CDH4: variants seen among roughly 807,000 people sequenced by gnomAD.
CDH4 encodes cadherin-4.
In CDH4, 33 loss-of-function variants were observed where a neutral mutation model predicts 86.0. That is an observed-to-expected ratio of 0.38 (90% confidence interval 0.29 to 0.51). The LOEUF is 0.51. CDH4 is among the 20% of genes least tolerant of loss of function. The pLI is 0.86. For missense variants in CDH4, 1,114 were observed against 1,307.4 expected (o/e 0.85, Z 2.28); for synonymous variants, 555 against 549.4 (o/e 1.01, Z -0.14).
At chr20:61,337,860 T>A (rs888100830) in intron 2 of CDH4, among the ~76,000 whole-genome samples, 54 of 152,226 alleles carry the variant, frequency 3.5e-4, no homozygotes, top group African/African-American at 1.3e-3. Context: ...GGAGCTTCCT[T>A]CTTTCCTCTG....
rs115607920 is a variant in CDH4 at position 61,687,842 on chromosome 20, A to G, written c.170-55721A>G. On this transcript the variant is annotated intron_variant, in intron 2 of 15. Transcript: ENST00000614565. ...CTAGGGCATAGAAAATATTTCCACT[A>G]AAAGGACTTAGCCTACCTTAGACCA... 9.3e-3 allele frequency among the ~76,000 whole-genome samples: 1,411 copies of G among 152,274 alleles called. 24 individuals are homozygous for G. Among genetic ancestry groups the G allele is most frequent in the African/African-American group, 0.028 (1,173 of 41,562 alleles).
At chr20:61,447,478 C>T (rs2085357946) in intron 2 of CDH4, among the ~76,000 whole-genome samples, 1 of 152,088 alleles carries the variant, frequency 6.6e-6, no homozygotes, top group African/African-American at 2.4e-5. Context: ...CCGACCTATT[C>T]ATGGTGTTTT....
chr20:61,264,680 T>C (rs1295498954), intron 2 of CDH4, among the ~76,000 whole-genome samples: 7 of 134,456 alleles, frequency 5.2e-5, no homozygotes, highest in East Asian at 2.7e-4. Context: ...TCATTCAATC[T>C]TACACATATC....
At chr20:61,477,552 GGAA>G (rs1341953746) in intron 2 of CDH4, among the ~76,000 whole-genome samples, 1 of 152,206 alleles carries the variant, frequency 6.6e-6, no homozygotes, top group East Asian at 1.9e-4. Context: ...TGCGGAGCGT[GGAA>G]GAAGGTCCAC....
At position 61,741,995 on chromosome 20, in the gene CDH4, A is replaced by G. The variant is rs563997075; in HGVS notation, c.170-1568A>G. On this transcript the variant is annotated intron_variant, in intron 2 of 15. Transcript: ENST00000614565. Reference sequence around the variant, plus strand: ...GTGCTCATCTCTCAGCAATCACAGCACTGTCATTTTTATCTTTGTCAGTGA... The same window carrying G: ...GTGCTCATCTCTCAGCAATCACAGCGCTGTCATTTTTATCTTTGTCAGTGA... 2.0e-5 allele frequency among the ~76,000 whole-genome samples: 3 copies of G among 152,288 alleles called. No individual in the cohort carries two copies. The South Asian group carries it at 6.2e-4, about 32-fold the overall frequency.
chr20:61,636,377 A>G (rs1444828352), intron 2 of CDH4, among the ~76,000 whole-genome samples: 1 of 152,222 alleles, frequency 6.6e-6, no homozygotes, highest in Non-Finnish European at 1.5e-5. Flanking sequence ...AAAGAGAGAA[A>G]AGAAGTTTCT....
At chr20:61,387,380 A>G (rs2084957434) in intron 2 of CDH4, among the ~76,000 whole-genome samples, 3 of 152,066 alleles carry the variant, frequency 2.0e-5, no homozygotes, top group African/African-American at 2.4e-5. Flanking sequence ...ACAGCCACAC[A>G]AACATACACA....
At position 61,517,124 on chromosome 20, in the gene CDH4, C is replaced by T. The variant is rs2085827743; in HGVS notation, c.170-226439C>T. On this transcript the variant is annotated intron_variant, in intron 2 of 15. Transcript: ENST00000614565. This position sits in a 1 kb window ranked among gnomAD's most constrained non-coding sequence, Gnocchi z 6.6. ...CCCCTTGTGGCCACGATCCCTTCAC[C>T]AAAGGGTAACCAGATTCCTGTATTC... Among the ~76,000 whole-genome samples the T allele has an allele frequency of 1.3e-5, 2 of 152,234 alleles. 1 individual carries two copies. The highest frequency in any genetic ancestry group is 4.1e-4 in the South Asian group (2 of 4,832).
At chr20:61,482,662 C>G (rs2085574507) in intron 2 of CDH4, among the ~76,000 whole-genome samples, 1 of 152,164 alleles carries the variant, frequency 6.6e-6, no homozygotes, top group Non-Finnish European at 1.5e-5. Context: ...CTGACTCGCC[C>G]CATGTGGTTG....
chr20:61,730,599 C>G (rs1162904090), intron 2 of CDH4, among the ~76,000 whole-genome samples: 1 of 152,186 alleles, frequency 6.6e-6, no homozygotes, highest in Non-Finnish European at 1.5e-5. Context: ...TGCCAGAGAC[C>G]CCGGTGAGGA....
chr20:61,640,795 T>A (rs1600831263), intron 2 of CDH4, among the ~76,000 whole-genome samples: 1 of 152,206 alleles, frequency 6.6e-6, no homozygotes, highest in Non-Finnish European at 1.5e-5. Flanking sequence ...CATGAGACAC[T>A]GATTAATGTT....
At chr20:61,459,054 C>T (rs2085426897) in intron 2 of CDH4, among the ~76,000 whole-genome samples, 1 of 152,090 alleles carries the variant, frequency 6.6e-6, no homozygotes, top group Non-Finnish European at 1.5e-5. Flanking sequence ...CCACACCTCC[C>T]CCTGGCTGTC....
At chr20:61,363,410 ATCTCTCTC>A (rs144743532) in intron 2 of CDH4, among the ~76,000 whole-genome samples, 1 of 150,404 alleles carries the variant, frequency 6.6e-6, no homozygotes, top group African/African-American at 2.4e-5. Context: ...GAATCTAAAT[ATCTCTCTC>A]TCTCTCTCTC....
chr20:61,762,413 T>C (rs1356826201), intron 3 of CDH4, among the ~76,000 whole-genome samples: 1 of 152,242 alleles, frequency 6.6e-6, no homozygotes, highest in African/African-American at 2.4e-5. Flanking sequence ...TTCACCCACA[T>C]TTCCACTTCT....
chr20:61,541,801 A>G (rs2086041516), intron 2 of CDH4, among the ~76,000 whole-genome samples: 2 of 152,114 alleles, frequency 1.3e-5, no homozygotes, highest in Non-Finnish European at 2.9e-5. Flanking sequence ...CTCTCCAGCC[A>G]GTGAGTGTGC....
At chr20:61,301,952 C>T (rs1034010928) in intron 2 of CDH4, among the ~76,000 whole-genome samples, 5 of 152,224 alleles carry the variant, frequency 3.3e-5, no homozygotes, top group African/African-American at 7.2e-5. Context: ...TGCGCTTTTA[C>T]GCCATACTTC....
At chr20:61,440,738 G>A (rs1462295638) in intron 2 of CDH4, among the ~76,000 whole-genome samples, 1 of 152,210 alleles carries the variant, frequency 6.6e-6, no homozygotes, top group Non-Finnish European at 1.5e-5. Flanking sequence ...CGTGGCGGGC[G>A]CCATGGAGGA....
intron 2 of CDH4, among the ~76,000 whole-genome samples, chr20:61,678,255 GGATGATA>G (rs1273037806): frequency 6.6e-6 from 1 of 152,066 alleles, no homozygotes; most frequent in Non-Finnish European, 1.5e-5. Flanking sequence ...ATAGATAGAT[GGATGATA>G]GATGATAGAT....
At chr20:61,863,359 A>G (rs957473971) in intron 6 of CDH4, among the ~76,000 whole-genome samples, 2 of 152,184 alleles carry the variant, frequency 1.3e-5, no homozygotes, top group Non-Finnish European at 2.9e-5. Context: ...CTGGGGGAGA[A>G]GGAGGTGGAA....
Sources: allele counts gnomAD v4.1 joint callset (sites outside exome capture counted in the v4.1 genomes callset), GRCh38; gene constraint gnomAD v4.1.1; non-coding constraint Gnocchi (gnomAD v3.1); transcripts MANE v1.5; gene names NCBI Gene and HGNC (gene_info 2026-07-23, HGNC 2026-07-21).